PDSS2: variants seen among roughly 807,000 people sequenced by gnomAD.
The protein encoded by PDSS2 is decaprenyl diphosphate synthase subunit 2.
A neutral mutation model predicts 44.5 loss-of-function variants in PDSS2; 31 were observed. The observed-to-expected ratio is 0.70, with a 90% CI of 0.52 to 0.94. PDSS2 has a LOEUF of 0.94. Among genes scored for constraint, PDSS2 ranks in the 40% least tolerant of loss-of-function variants. The probability of loss-of-function intolerance (pLI) is 0.00; values close to 1 mark genes in which losing one functional copy is unlikely to be tolerated. For synonymous variants in PDSS2, 157 were observed against 180.3 expected (o/e 0.87, Z 1.03); for missense variants, 452 against 482.2 (o/e 0.94, Z 0.59).
intron 1 of PDSS2, among the ~76,000 whole-genome samples, chr6:107,394,778 ATATGT>A (rs1779889486): frequency 6.6e-6 from 1 of 152,164 alleles, no homozygotes; most frequent in African/African-American, 2.4e-5. Flanking sequence ...CTCATATGTT[ATATGT>A]CCCACAATAT....
chr6:107,456,918 T>C (rs1321225744), intron 1 of PDSS2, among the ~76,000 whole-genome samples: 2 of 152,184 alleles, frequency 1.3e-5, no homozygotes, highest in Admixed American at 1.3e-4. Context: ...GGAGTACACA[T>C]TTAGCTTCAA....
chr6:107,421,557 G>A (rs1025265093), intron 1 of PDSS2, among the ~76,000 whole-genome samples: 1 of 151,960 alleles, frequency 6.6e-6, no homozygotes, highest in Non-Finnish European at 1.5e-5. Context: ...AGGACATTAC[G>A]CTGAGTGAAA....
intron 1 of PDSS2, among the ~76,000 whole-genome samples, chr6:107,418,872 T>C (rs1326290033): frequency 7.9e-5 from 12 of 152,226 alleles, no homozygotes; most frequent in Admixed American, 5.2e-4. Context: ...GAAACTAATA[T>C]AGATGGTAAG....
chr6:107,389,290 C>G (rs1287215683), intron 1 of PDSS2, among the ~76,000 whole-genome samples: 2 of 152,066 alleles, frequency 1.3e-5, no homozygotes, highest in Admixed American at 6.6e-5. Flanking sequence ...GAAAAAGAAC[C>G]TAACTATTAT....
intron 4 of PDSS2, among the ~76,000 whole-genome samples, chr6:107,224,920 G>A (rs1387520964): frequency 1.3e-5 from 2 of 149,484 alleles, no homozygotes; most frequent in Non-Finnish European, 2.9e-5. Context: ...ATGGTTTCTC[G>A]TGAGGTTGCA....
chr6:107,180,907 A>G lies in PDSS2; in HGVS notation c.1041+12915T>C, dbSNP rs369713691. 1.1e-4 allele frequency among the ~76,000 whole-genome samples: 16 copies of G among 152,246 alleles called. No homozygotes were observed. The East Asian group carries it at 2.9e-3, about 28-fold the overall frequency. Reference sequence around the variant, plus strand: ...CACTCTGTCTCCCAGGCTGGAATGCAGGGGCGCAATAACCGCAACCTCCAT... The same window carrying G: ...CACTCTGTCTCCCAGGCTGGAATGCGGGGGCGCAATAACCGCAACCTCCAT... On this transcript the variant is annotated intron_variant, in intron 7 of 7. Transcript: ENST00000369037.
chr6:107,414,306 CAGA>C (rs1780595099), intron 1 of PDSS2, among the ~76,000 whole-genome samples: 1 of 152,200 alleles, frequency 6.6e-6, no homozygotes, highest in Non-Finnish European at 1.5e-5. Flanking sequence ...AACACACTCT[CAGA>C]AGGAGGTTCT....
At chr6:107,253,774 A>G (rs534024955) in intron 3 of PDSS2, among the ~76,000 whole-genome samples, 41 of 152,350 alleles carry the variant, frequency 2.7e-4, no homozygotes, top group African/African-American at 9.9e-4. Flanking sequence ...TACTGAAGCA[A>G]TGCCAAATAG....
chr6:107,438,511 G>A (rs778532497), intron 1 of PDSS2, among the ~76,000 whole-genome samples: 13 of 152,066 alleles, frequency 8.5e-5, no homozygotes, highest in South Asian at 2.1e-4. Context: ...CACCATGCCC[G>A]GCCTGTTTTG....
intron 1 of PDSS2, among the ~76,000 whole-genome samples, chr6:107,430,312 G>A (rs1241499603): frequency 5.3e-5 from 8 of 151,634 alleles, no homozygotes; most frequent in Admixed American, 2.0e-4. Flanking sequence ...CTAGCCTGGC[G>A]AACACGACAA....
At chr6:107,162,672 A>C (rs1257672183) in intron 7 of PDSS2, among the ~76,000 whole-genome samples, 1 of 137,156 alleles carries the variant, frequency 7.3e-6, no homozygotes, top group Non-Finnish European at 1.5e-5. Context: ...CAGTGGCGCA[A>C]TCTCAGCTCT....
At chr6:107,196,107 A>G (rs1401397970) in intron 6 of PDSS2, among the ~76,000 whole-genome samples, 3 of 152,260 alleles carry the variant, frequency 2.0e-5, no homozygotes, top group Admixed American at 6.5e-5. Flanking sequence ...ACCAACAGGA[A>G]TATGAGTGAG....
intron 2 of PDSS2, among the ~76,000 whole-genome samples, chr6:107,321,447 G>A (rs1248657110): frequency 6.6e-6 from 1 of 152,164 alleles, no homozygotes; most frequent in Admixed American, 6.5e-5. Flanking sequence ...TGTGTTAAGT[G>A]TTTTAAGATT....
At chr6:107,427,933 A>G (rs1302490372) in intron 1 of PDSS2, among the ~76,000 whole-genome samples, 3 of 152,226 alleles carry the variant, frequency 2.0e-5, no homozygotes, top group African/African-American at 7.2e-5. Flanking sequence ...CTATTTAGAG[A>G]CAGCTGTTTC....
chr6:107,264,520 G>GA (rs747985112), intron 3 of PDSS2: 1,282 of 1,439,104 alleles, frequency 8.9e-4, no homozygotes, highest in Non-Finnish European at 1.0e-3. Context: ...TGACTACAAA[G>GA]AAAAAAAAAT....
At chr6:107,372,579 G>C (rs543887407) in intron 1 of PDSS2, among the ~76,000 whole-genome samples, 1 of 152,292 alleles carries the variant, frequency 6.6e-6, no homozygotes, top group African/African-American at 2.4e-5. Flanking sequence ...AGCCTCCCGA[G>C]TAGCTGGGAC....
chr6:107,441,430 C>T (rs938525766), intron 1 of PDSS2, among the ~76,000 whole-genome samples: 1 of 152,170 alleles, frequency 6.6e-6, no homozygotes, highest in South Asian at 2.1e-4. Context: ...AGCGTGTCCA[C>T]GGTTTTTTGG....
intron 3 of PDSS2, among the ~76,000 whole-genome samples, chr6:107,270,394 G>A (rs1416511395): frequency 6.6e-6 from 1 of 152,136 alleles, no homozygotes; most frequent in Non-Finnish European, 1.5e-5. Context: ...TTACAGGCAT[G>A]AGCCACCGTG....
intron 4 of PDSS2, among the ~76,000 whole-genome samples, chr6:107,228,010 T>C (rs1773893275): frequency 6.6e-6 from 1 of 152,204 alleles, no homozygotes; most frequent in African/African-American, 2.4e-5. Flanking sequence ...GGCTTACTCT[T>C]GTCCTTTGAT....
Sources: gnomAD v4.1 joint callset for allele counts (sites outside exome capture counted in the v4.1 genomes callset) on GRCh38, gnomAD v4.1.1 for gene constraint, MANE v1.5 for transcripts, NCBI Gene and HGNC (gene_info 2026-07-23, HGNC 2026-07-21) for gene names.